Variants in MPPED2 observed in about 807,000 individuals in gnomAD.
The protein encoded by MPPED2 is metallophosphoesterase MPPED2.
Under a neutral mutation model 33.0 loss-of-function variants are expected in MPPED2, and 5 were observed. The ratio of observed to expected loss-of-function variants is 0.15; its 90% CI spans 0.08 to 0.32. MPPED2 has a LOEUF of 0.32. MPPED2 is among the 10% of genes least tolerant of loss of function. The probability of loss-of-function intolerance (pLI) is 1.00; values close to 1 mark genes in which losing one functional copy is unlikely to be tolerated. For missense variants in MPPED2, 275 were observed against 372.1 expected, an observed-to-expected ratio of 0.74 and a Z score of 2.15; for synonymous variants, 136 against 141.9, an observed-to-expected ratio of 0.96 and a Z score of 0.29.
intron 2 of MPPED2, among the ~76,000 whole-genome samples, chr11:30,564,729 G>T (rs1407213631): frequency 6.6e-6 from 1 of 152,092 alleles, no homozygotes; most frequent in African/African-American, 2.4e-5. Flanking sequence ...TGTTAAACTC[G>T]ACTACATGTT....
chr11:30,495,578 A>T, intron 3 of MPPED2, 57 bp from the exon 4 acceptor site: 1 of 1,277,604 alleles, frequency 7.8e-7, no homozygotes, highest in Non-Finnish European at 1.1e-6. Context: ...ACAAAGTACA[A>T]CAGCCGAGAC....
intron 6 of MPPED2, among the ~76,000 whole-genome samples, chr11:30,397,490 GAC>G (rs1947853116): frequency 6.6e-6 from 1 of 152,098 alleles, no homozygotes; most frequent in Non-Finnish European, 1.5e-5. Context: ...CTATAACATT[GAC>G]TTAACTGTTT....
At chr11:30,585,065 C>G (rs889625583) in intron 1 of MPPED2, 5 of 152,302 alleles carry the variant, frequency 3.3e-5, no homozygotes, top group Admixed American at 6.5e-5. Flanking sequence ...TTCTTGCTGA[C>G]GGATTCCAAC....
chr11:30,519,611 T>G (rs1953740181), intron 3 of MPPED2, among the ~76,000 whole-genome samples: 1 of 152,078 alleles, frequency 6.6e-6, no homozygotes, highest in South Asian at 2.1e-4. Context: ...GCTCTGTGGT[T>G]ACATTGCTTC....
At chr11:30,563,325 C>T (rs1218100660) in intron 2 of MPPED2, among the ~76,000 whole-genome samples, 3 of 152,112 alleles carry the variant, frequency 2.0e-5, no homozygotes, top group African/African-American at 7.2e-5. Context: ...ATTAGATTCT[C>T]ATAAGGAGTA....
intron 3 of MPPED2, among the ~76,000 whole-genome samples, chr11:30,535,026 T>C (rs1482081561): frequency 6.6e-6 from 1 of 152,216 alleles, no homozygotes; most frequent in Non-Finnish European, 1.5e-5. Flanking sequence ...TGTGAACAGA[T>C]GAGCAAAGTC....
chr11:30,389,654 G>A (rs747012018), intron 6 of MPPED2, among the ~76,000 whole-genome samples: 1 of 152,132 alleles, frequency 6.6e-6, no homozygotes, highest in Non-Finnish European at 1.5e-5. Context: ...CATACACTGT[G>A]CCACCACAAT....
At chr11:30,504,821 T>C (rs1264564772) in intron 3 of MPPED2, 1 of 1,285,940 alleles carries the variant, frequency 7.8e-7, no homozygotes, top group Non-Finnish European at 1.0e-6. Flanking sequence ...ATGCTTGCAA[T>C]GGGAAACCAG....
intron 4 of MPPED2, among the ~76,000 whole-genome samples, chr11:30,432,491 A>C (rs779941236): frequency 6.6e-6 from 1 of 152,068 alleles, no homozygotes; most frequent in East Asian, 1.9e-4. Flanking sequence ...TAAATTTGCT[A>C]TATTTCATTT....
At chr11:30,582,833 C>T (rs1957229689) in intron 1 of MPPED2, among the ~76,000 whole-genome samples, 1 of 152,196 alleles carries the variant, frequency 6.6e-6, no homozygotes, top group Non-Finnish European at 1.5e-5. Context: ...TCAGCAAGCA[C>T]AGGCCCCTGT....
At chr11:30,568,092 A>G (rs1284588361) in intron 2 of MPPED2, among the ~76,000 whole-genome samples, 1 of 152,238 alleles carries the variant, frequency 6.6e-6, no homozygotes, top group African/African-American at 2.4e-5. Context: ...ATTAACAATA[A>G]TAGCCACCAT....
At chr11:30,528,663 T>C (rs184332826) in intron 3 of MPPED2, among the ~76,000 whole-genome samples, 3 of 152,324 alleles carry the variant, frequency 2.0e-5, no homozygotes, top group Non-Finnish European at 4.4e-5. Flanking sequence ...CTCACTATGC[T>C]GCCCAGGTTG....
chr11:30,524,152 C>T (rs1954032603), intron 3 of MPPED2, among the ~76,000 whole-genome samples: 1 of 152,036 alleles, frequency 6.6e-6, no homozygotes, highest in Non-Finnish European at 1.5e-5. Context: ...CAGTGGGAGG[C>T]TGAGGCAGGA....
At chr11:30,434,934 T>A (rs1454541036) in intron 4 of MPPED2, among the ~76,000 whole-genome samples, 1 of 152,278 alleles carries the variant, frequency 6.6e-6, no homozygotes, top group East Asian at 1.9e-4. Context: ...TGCATCTGAC[T>A]GGTAAAGTTG....
chr11:30,476,255 A>G (rs1241664002), intron 4 of MPPED2, among the ~76,000 whole-genome samples: 1 of 151,998 alleles, frequency 6.6e-6, no homozygotes, highest in African/African-American at 2.4e-5. Flanking sequence ...AAGACTGAAA[A>G]TTTTAAAATT....
At chr11:30,387,299 G>A (rs923149705) in exon 7 of MPPED2, 1 of 152,360 alleles carries the variant, frequency 6.6e-6, no homozygotes, top group African/African-American at 2.4e-5. Flanking sequence ...CTGTGTGCTT[G>A]TCAGAATCTT....
At chr11:30,539,705 C>A (rs553313437) in intron 2 of MPPED2, among the ~76,000 whole-genome samples, 2 of 152,116 alleles carry the variant, frequency 1.3e-5, no homozygotes, top group Non-Finnish European at 2.9e-5. Flanking sequence ...ACTATAGCCT[C>A]GACCTCCCAG....
rs560879041 is a variant in MPPED2 at position 30,579,684 on chromosome 11, C to T, written c.128+562G>A. ...TTCCACTGTCCCTTATTCCTTTGTT[C>T]CCCATATTGTTTGAGTCCTGTAGCA... is the stretch of plus-strand genomic sequence containing the variant. On this transcript the variant is annotated intron_variant, in intron 2 of 6. Transcript: ENST00000358117. Among the ~76,000 whole-genome samples the T allele has an allele frequency of 1.5e-3, 228 of 152,144 alleles. 1 individual carries two copies. Among genetic ancestry groups the T allele is most frequent in the Non-Finnish European group, 2.3e-3 (154 of 68,036 alleles).
chr11:30,435,143 G>T (rs1949268836), intron 4 of MPPED2, among the ~76,000 whole-genome samples: 1 of 152,172 alleles, frequency 6.6e-6, no homozygotes, highest in South Asian at 2.1e-4. Flanking sequence ...GTTCTGCAAA[G>T]AACACATTTC....
Sources: allele counts gnomAD v4.1 joint callset (sites outside exome capture counted in the v4.1 genomes callset), GRCh38; gene constraint gnomAD v4.1.1; transcripts MANE v1.5; gene names NCBI Gene and HGNC (gene_info 2026-07-23, HGNC 2026-07-21).